Variants in R3HCC1L observed in about 807,000 individuals in gnomAD.
The protein encoded by R3HCC1L is R3H domain and coiled-coil containing 1 like.
Under a neutral mutation model 59.9 loss-of-function variants are expected in R3HCC1L, and 51 were observed. The ratio of observed to expected loss-of-function variants is 0.85; its 90% CI spans 0.68 to 1.07. The LOEUF (loss-of-function observed/expected upper bound fraction) is 1.07. Ranked by LOEUF, R3HCC1L falls within the 50% of genes least tolerant of loss-of-function variation. The probability of loss-of-function intolerance (pLI) is 0.00; values close to 1 mark genes in which losing one functional copy is unlikely to be tolerated. For synonymous variants in R3HCC1L, 322 were observed against 315.2 expected (o/e 1.02, Z -0.23); for missense variants, 965 against 933.0 (o/e 1.03, Z -0.45).
intron 6 of R3HCC1L, 141 bp downstream of exon 6, chr10:98,231,828 C>A: frequency 1.1e-6 from 1 of 928,974 alleles, no homozygotes; most frequent in Non-Finnish European, 1.6e-6. Context: ...TTTCCAGGTC[C>A]AGTAGAAATT....
At position 98,208,502 on chromosome 10, in the gene R3HCC1L, G is replaced by T; in HGVS notation, c.388G>T (p.Val130Phe). Reference sequence around the variant, plus strand: ...ACAGCAGGGAGCCCCAAATGCTGGGGTTATAACTAATGCACCTTTGCAGAG... The same window carrying T: ...ACAGCAGGGAGCCCCAAATGCTGGGTTTATAACTAATGCACCTTTGCAGAG... ...GQQQGAPNAGVITNAPLQRHF... is the reference protein window; with the variant it reads ...GQQQGAPNAGFITNAPLQRHF... Residue 130 changes from valine (V) to phenylalanine (F), a missense_variant, in exon 5 of 10, where the codon GTT becomes TTT. Val to Phe is a conservative substitution (Grantham distance 50). Coordinates refer to ENST00000298999, the MANE Select transcript of R3HCC1L (RefSeq NM_001351015.2). 6.2e-7 allele frequency: 1 copy of T among 1,614,182 alleles called. No individual in the cohort carries two copies. Among genetic ancestry groups the T allele is most frequent in the South Asian group, 1.1e-5 (1 of 91,084 alleles).
At chr10:98,204,262 G>A (rs1179099061) in intron 4 of R3HCC1L, among the ~76,000 whole-genome samples, 1 of 152,092 alleles carries the variant, frequency 6.6e-6, no homozygotes, top group African/African-American at 2.4e-5. Flanking sequence ...CACAAAATTA[G>A]CCAGGCGTGG....
At position 98,231,536 on chromosome 10, in the gene R3HCC1L, G is replaced by A. The variant is rs775250931; in HGVS notation, c.1810G>A (p.Glu604Lys). 3.1e-6 allele frequency: 5 copies of A among 1,612,936 alleles called. 1 individual carries two copies. In the South Asian group the frequency reaches 5.5e-5, roughly 18 times the overall value. Residue 604 changes from glutamate (E) to lysine (K), a missense_variant, in exon 6 of 10, where the codon GAG becomes AAG. Coordinates refer to ENST00000298999, the MANE Select transcript of R3HCC1L (RefSeq NM_001351015.2). The stretch of plus-strand genomic sequence containing the variant: ...GTTATCAGGGAATACCAAGAGCAGA[G>A]AGAGCATCCAGGAACCTAGATCTGA... ...QELSGNTKSR[E>K]SIQEPRSDYY...
chr10:98,224,930 TGTA>T (rs1345565897), intron 5 of R3HCC1L, among the ~76,000 whole-genome samples: 1 of 152,250 alleles, frequency 6.6e-6, no homozygotes, highest in African/African-American at 2.4e-5. Flanking sequence ...GTGAACCACA[TGTA>T]TGGTTTTGCA....
At chr10:98,199,502 T>C (rs972946501) in intron 4 of R3HCC1L, among the ~76,000 whole-genome samples, 1 of 152,044 alleles carries the variant, frequency 6.6e-6, no homozygotes, top group African/African-American at 2.4e-5. Flanking sequence ...TAAACAATAC[T>C]GTGGCATATG....
chr10:98,155,791 T>C (rs923092539), intron 1 of R3HCC1L, among the ~76,000 whole-genome samples: 1 of 151,932 alleles, frequency 6.6e-6, no homozygotes, highest in Admixed American at 6.6e-5. Flanking sequence ...ATGCTATCTT[T>C]TGATTTACTG....
intron 4 of R3HCC1L, chr10:98,174,754 T>A: frequency 1.0e-6 from 1 of 982,790 alleles, no homozygotes; most frequent in Non-Finnish European, 1.2e-6. Context: ...TCATGGAAAA[T>A]CTTAAATGCA....
intron 4 of R3HCC1L, among the ~76,000 whole-genome samples, chr10:98,188,683 A>G (rs553702008): frequency 6.6e-6 from 1 of 152,302 alleles, no homozygotes; most frequent in Non-Finnish European, 1.5e-5. Flanking sequence ...AGTAATTGAT[A>G]TAGTTATTTA....
At chr10:98,232,253 G>A (rs749692677) in intron 6 of R3HCC1L, among the ~76,000 whole-genome samples, 1 of 152,132 alleles carries the variant, frequency 6.6e-6, no homozygotes, top group Non-Finnish European at 1.5e-5. Context: ...GCCTCCCAAA[G>A]TGCTGGGATT....
intron 4 of R3HCC1L, among the ~76,000 whole-genome samples, chr10:98,180,115 C>T (rs979823512): frequency 2.6e-5 from 4 of 152,100 alleles, no homozygotes; most frequent in Admixed American, 1.3e-4. Flanking sequence ...AATGTGTTTG[C>T]TCTTGCTTCT....
At chr10:98,231,017 C>A (rs1463912352) in intron 5 of R3HCC1L, 7 of 418,740 alleles carry the variant, frequency 1.7e-5, no homozygotes, top group Non-Finnish European at 3.3e-5. Flanking sequence ...GTCTCCTCAC[C>A]CTTTAATACA....
chr10:98,167,112 T>TACATAA (rs563466377), intron 4 of R3HCC1L, among the ~76,000 whole-genome samples: 1,984 of 152,262 alleles, frequency 0.013, 15 homozygotes, highest in Middle Eastern at 0.027. Context: ...ATCATAAGAA[T>TACATAA]ACTAGATAAG....
chr10:98,153,803 CAA>C (rs10708491), intron 1 of R3HCC1L, among the ~76,000 whole-genome samples: 393 of 135,054 alleles, frequency 2.9e-3, no homozygotes, highest in Middle Eastern at 3.9e-3. Flanking sequence ...TGTTTTACAT[CAA>C]AAAAAAAAAA....
chr10:98,201,261 T>G (rs1852014359), intron 4 of R3HCC1L, among the ~76,000 whole-genome samples: 2 of 152,234 alleles, frequency 1.3e-5, no homozygotes, highest in Admixed American at 6.5e-5. Context: ...CATTGGCATT[T>G]AAATGTATGA....
intron 5 of R3HCC1L, among the ~76,000 whole-genome samples, chr10:98,212,705 A>G (rs1419744575): frequency 6.6e-6 from 1 of 152,200 alleles, no homozygotes; most frequent in East Asian, 1.9e-4. Context: ...ATACTTTCAT[A>G]GCCCTACTGC....
intron 4 of R3HCC1L, among the ~76,000 whole-genome samples, chr10:98,207,758 A>T (rs1852865635): frequency 6.6e-6 from 1 of 152,008 alleles, no homozygotes. Context: ...TCATCCCAGC[A>T]CTTTGGGAGA....
At position 98,244,371 on chromosome 10, in the gene R3HCC1L, G is replaced by A. The variant is rs1490541643; in HGVS notation, c.*213G>A. ...TTGGAATCACCCTACTGTGGTGGGC[G>A]TAGTAGGGAGCCATCAGCTAGGAAG... On this transcript the variant is annotated 3_prime_UTR_variant, in exon 10 of 10. Transcript: ENST00000298999. The A allele has an allele frequency of 1.8e-5, 8 of 436,524 alleles. No individual in the cohort carries two copies. Among genetic ancestry groups the A allele is most frequent in the East Asian group, 3.8e-5 (1 of 26,058 alleles). 27.0% of individuals were successfully genotyped at this position (436,524 alleles called of 1,614,324 possible). A position where few individuals can be genotyped will look rare whatever the true frequency, so the allele number is the denominator to read the frequency against.
rs1385786759 is a variant in R3HCC1L, at chr10:98,199,740, G to A, written c.-14-8361G>A. Among the ~76,000 whole-genome samples the A allele has an allele frequency of 3.3e-5, 5 of 151,878 alleles. No individual in the cohort carries two copies. The East Asian group carries it at 7.7e-4, about 23-fold the overall frequency. Reference sequence around the variant, plus strand: ...AGATTTATTAGTTATTAATGAAAACGACTTGTTAGGGACAGTATTCAGAAA... The same window carrying A: ...AGATTTATTAGTTATTAATGAAAACAACTTGTTAGGGACAGTATTCAGAAA... On this transcript the variant is annotated intron_variant, in intron 4 of 9. Coordinates refer to ENST00000298999, the MANE Select transcript of R3HCC1L (RefSeq NM_001351015.2).
At chr10:98,205,225 G>A (rs529516835) in intron 4 of R3HCC1L, among the ~76,000 whole-genome samples, 97 of 152,220 alleles carry the variant, frequency 6.4e-4, no homozygotes, top group Non-Finnish European at 1.1e-3. Context: ...ATTTATGTAA[G>A]TATATCATAC....
Sources: gnomAD v4.1 joint callset for allele counts (sites outside exome capture counted in the v4.1 genomes callset) on GRCh38, gnomAD v4.1.1 for gene constraint, MANE v1.5 for transcripts, NCBI Gene and HGNC (gene_info 2026-07-23, HGNC 2026-07-21) for gene names.